Variants in SLC23A2 observed in about 807,000 individuals in gnomAD.
SLC23A2 encodes Na(+)/L-ascorbic acid transporter 2.
A neutral mutation model predicts 73.3 loss-of-function variants in SLC23A2; 36 were observed. That is an observed-to-expected ratio of 0.49 (90% CI 0.38 to 0.65). SLC23A2 has a LOEUF of 0.65. SLC23A2 is among the 30% of genes least tolerant of loss of function. The probability of loss-of-function intolerance (pLI) is 0.00; values close to 1 mark genes in which losing one functional copy is unlikely to be tolerated. For missense variants in SLC23A2, 507 were observed against 841.6 expected (o/e 0.60, Z 4.92); for synonymous variants, 343 against 327.3 (o/e 1.05, Z -0.52).
At position 4,998,669 on chromosome 20, in the gene SLC23A2, G is replaced by A. The variant is rs558753544; in HGVS notation, c.-282+2737C>T. On this transcript the variant is annotated intron_variant, in intron 1 of 16. Coordinates refer to ENST00000338244, the MANE Select transcript of SLC23A2 (RefSeq NM_005116.6). This position sits in a 1 kb window ranked among gnomAD's most constrained non-coding sequence, Gnocchi z 4.1. ...GGTGTGTGAGAGTTTTATGGGCAAG[G>A]CCAGGAAACGGTTCAGGAAGGACTG... 6.6e-6 allele frequency among the ~76,000 whole-genome samples: 1 copy of A among 152,284 alleles called. No homozygotes were observed. The highest frequency in any genetic ancestry group is 2.1e-4 in the South Asian group (1 of 4,828).
chr20:4,920,868 CT>C (rs1220430936), intron 3 of SLC23A2, among the ~76,000 whole-genome samples: 1 of 152,128 alleles, frequency 6.6e-6, no homozygotes, highest in Non-Finnish European at 1.5e-5. Context: ...CCTCAAAGTG[CT>C]ATCAGATCCA....
At position 4,947,002 on chromosome 20, in the gene SLC23A2, A is replaced by T. The variant is rs1199876091; in HGVS notation, c.-154-14286T>A. ...AATAAAATTATAACAAGACCATCTT[A>T]AGCCTCGTCATCCTGGCCATTTCTC... On this transcript the variant is annotated intron_variant, in intron 2 of 16. Transcript: ENST00000338244. The surrounding 1 kb of genome is among the most constrained non-coding windows in gnomAD (Gnocchi z 4.4). 1.3e-5 allele frequency among the ~76,000 whole-genome samples: 2 copies of T among 152,196 alleles called. No individual in the cohort carries two copies. The highest frequency in any genetic ancestry group is 2.9e-5 in the Non-Finnish European group (2 of 68,044).
chr20:4,983,747 G>A (rs1277697739), intron 1 of SLC23A2, among the ~76,000 whole-genome samples: 27 of 151,482 alleles, frequency 1.8e-4, no homozygotes, highest in African/African-American at 6.3e-4. Context: ...ACCTGAGGTC[G>A]GGAGTTCGAG....
rs547068008 is a variant in SLC23A2, at chr20:4,983,448, C to T, written c.-281-12529G>A. 1.2e-3 allele frequency among the ~76,000 whole-genome samples: 181 copies of T among 150,016 alleles called. 1 individual carries two copies. Among genetic ancestry groups the T allele is most frequent in the East Asian group, 2.6e-3 (13 of 4,968 alleles). On this transcript the variant is annotated intron_variant, in intron 1 of 16. Transcript: ENST00000338244. ...GATCACAAGGTGAGGAGATCGAGAC[C>T]ATCCTGGCCAACACGGTGAAACCCC... is the stretch of plus-strand genomic sequence containing the variant.
In SLC23A2 at chr20:4,852,852, A is replaced by G. The variant is rs1929576267; in HGVS notation, c.*4120T>C. 1.3e-5 allele frequency: 2 copies of G among 152,616 alleles called. No individual in the cohort carries two copies. The highest frequency in any genetic ancestry group is 4.8e-5 in the African/African-American group (2 of 41,452). 9.5% of individuals were successfully genotyped at this position (152,616 alleles called of 1,614,324 possible). A position where few individuals can be genotyped will look rare whatever the true frequency, so the allele number is the denominator to read the frequency against. ...GACATGGGAGGGTAGAGTGATGCTG[A>G]AACACAGTCAACACCAACCAGAAAG... On this transcript the variant is annotated 3_prime_UTR_variant, in exon 17 of 17. Transcript: ENST00000338244. The surrounding 1 kb of genome is among the most constrained non-coding windows in gnomAD (Gnocchi z 4.3).
chr20:4,887,154 A>C (rs1399575410), intron 6 of SLC23A2, among the ~76,000 whole-genome samples: 1 of 152,210 alleles, frequency 6.6e-6, no homozygotes, highest in African/African-American at 2.4e-5. Flanking sequence ...ATTGCTGTTG[A>C]CCACTCCCAC....
At position 4,867,761 on chromosome 20, in the gene SLC23A2, T is replaced by C. The variant is rs760494720; in HGVS notation, c.1356+9A>G. 8.1e-6 allele frequency: 12 copies of C among 1,476,878 alleles called. No individual in the cohort carries two copies. The highest frequency in any genetic ancestry group is 2.8e-5 in the African/African-American group (2 of 71,592). 91.5% of individuals were successfully genotyped at this position (1,476,878 alleles called of 1,614,324 possible). ...AAACCCAATCATTTAATTAGAAAAA[T>C]CTGTGTACCTTTGTAATTCCCAAAA... On this transcript the variant is annotated intron_variant, in intron 13 of 16. Transcript: ENST00000338244.
chr20:4,913,106 T>C, intron 3 of SLC23A2, 128 bp from the exon 4 acceptor site: 1 of 678,484 alleles, frequency 1.5e-6, no homozygotes, highest in Non-Finnish European at 2.6e-6. Flanking sequence ...ATACTCCATG[T>C]ACCGTATGGG....
chr20:4,960,198 T>TA (rs138556308), intron 2 of SLC23A2, among the ~76,000 whole-genome samples: 3,915 of 152,314 alleles, frequency 0.026, 168 homozygotes, highest in African/African-American at 0.09. Context: ...CTATCTCTAT[T>TA]AAAACACAAT....
At chr20:4,900,493 A>G (rs1403627723) in intron 5 of SLC23A2, among the ~76,000 whole-genome samples, 1 of 152,240 alleles carries the variant, frequency 6.6e-6, no homozygotes, top group East Asian at 1.9e-4. Flanking sequence ...TATTTTATAC[A>G]GAATTTTGCA....
At position 4,852,581 on chromosome 20, in the gene SLC23A2, G is replaced by A. The variant is rs143625483; in HGVS notation, c.*4391C>T. 3.6e-3 allele frequency: 542 copies of A among 152,132 alleles called. 2 individuals are homozygous for A. Among genetic ancestry groups the A allele is most frequent in the Admixed American group, 7.5e-3 (114 of 15,240 alleles). 9.4% of individuals were successfully genotyped at this position (152,132 alleles called of 1,614,324 possible). A position where few individuals can be genotyped will look rare whatever the true frequency, so the allele number is the denominator to read the frequency against. On this transcript the variant is annotated 3_prime_UTR_variant, in exon 17 of 17. Coordinates refer to ENST00000338244, the MANE Select transcript of SLC23A2 (RefSeq NM_005116.6). This position sits in a 1 kb window ranked among gnomAD's most constrained non-coding sequence, Gnocchi z 4.3. ...AAACAACCCCACCCCAAATACCCTC[G>A]GTAATCAAAATAAAAATAAAAAACA...
At chr20:4,977,497 G>A (rs1490904170) in intron 1 of SLC23A2, among the ~76,000 whole-genome samples, 2 of 151,730 alleles carry the variant, frequency 1.3e-5, no homozygotes, top group African/African-American at 2.4e-5. Flanking sequence ...GACCAGCCTG[G>A]CCAACATGGT....
chr20:4,946,954 T>C (rs768019213), intron 2 of SLC23A2, among the ~76,000 whole-genome samples: 5 of 152,128 alleles, frequency 3.3e-5, no homozygotes, highest in Non-Finnish European at 7.4e-5. Context: ...TCAGCAGAAG[T>C]TTTCTTTCCA....
chr20:4,885,417 C>T (rs933905985), intron 7 of SLC23A2, among the ~76,000 whole-genome samples: 28 of 152,190 alleles, frequency 1.8e-4, no homozygotes, highest in Non-Finnish European at 3.8e-4. Flanking sequence ...TTGCAGCAAA[C>T]CACAGTAGCC....
At chr20:4,968,859 C>A (rs2087516333) in intron 2 of SLC23A2, among the ~76,000 whole-genome samples, 1 of 151,548 alleles carries the variant, frequency 6.6e-6, no homozygotes, top group African/African-American at 2.4e-5. Flanking sequence ...GCTAGCAATA[C>A]AGGTGTGCGC....
Position 4,869,928 on chromosome 20 carries a change from G to A in SLC23A2, c.1228C>T (p.Pro410Ser), listed in dbSNP as rs760957935. 1.2e-6 allele frequency: 2 copies of A among 1,608,426 alleles called. No homozygotes were observed. Among genetic ancestry groups the A allele is most frequent in the Non-Finnish European group, 8.5e-7 (1 of 1,175,092 alleles). ...ACARLSCAPPPPIHAINRGIF... is the reference protein window; with the variant it reads ...ACARLSCAPPSPIHAINRGIF... ...TACCTGTTTATTGCGTGGATGGGGG[G>A]GGGTGGGGCACAGGACAGCCGTGCA... The change falls in exon 12 of 17, where the codon CCC becomes TCC. Residue 410 changes from proline (P) to serine (S), a missense_variant. By Grantham distance (74) the Pro-to-Ser change is moderately conservative. Around this residue, in one of 5 missense-constraint regions of SLC23A2, gnomAD observed 27 missense variants for 18.2 expected, o/e 1.48. Transcript: ENST00000338244.
intron 4 of SLC23A2, among the ~76,000 whole-genome samples, chr20:4,909,688 G>A (rs940519164): frequency 1.3e-5 from 2 of 152,056 alleles, no homozygotes; most frequent in African/African-American, 4.8e-5. Flanking sequence ...CAAGTAGCTG[G>A]GATTACAGGC....
chr20:4,867,050 C>T (rs1232940590), intron 13 of SLC23A2, among the ~76,000 whole-genome samples: 3 of 112,232 alleles, frequency 2.7e-5, no homozygotes, highest in African/African-American at 3.5e-5. Context: ...GCAGTCAAAG[C>T]GATCCCTAAA....
chr20:4,906,993 T>C lies in SLC23A2; in HGVS notation c.208-4435A>G, dbSNP rs140208687. 5.0e-3 allele frequency among the ~76,000 whole-genome samples: 756 copies of C among 152,050 alleles called. 3 individuals carry two copies. Among genetic ancestry groups the C allele is most frequent in the African/African-American group, 0.017 (686 of 41,456 alleles). ...CTATGCTTGGAAGCACTAGACAGAG[T>C]AGCAATGGGGAGAGGACAGGTCTTA... is the stretch of plus-strand genomic sequence containing the variant. On this transcript the variant is annotated intron_variant, in intron 4 of 16. Transcript: ENST00000338244.
Sources: gnomAD v4.1 joint callset for allele counts (sites outside exome capture counted in the v4.1 genomes callset) on GRCh38, gnomAD v4.1.1 for gene constraint, gnomAD v4.1.1 regional missense constraint, Gnocchi (gnomAD v3.1) non-coding constraint, MANE v1.5 for transcripts, NCBI Gene and HGNC (gene_info 2026-07-23, HGNC 2026-07-21) for gene names.